The following ATP6V0A2 variants were observed in gnomAD, a reference collection of about 807,000 sequenced individuals.
ATP6V0A2 encodes ATPase H+ transporting V0 subunit a2.
Under a neutral mutation model 104.4 loss-of-function variants are expected in ATP6V0A2, and 58 were observed. The observed-to-expected ratio is 0.56, with a 90% CI of 0.45 to 0.69. The LOEUF (loss-of-function observed/expected upper bound fraction) is 0.69. Ranked by LOEUF, ATP6V0A2 falls within the 30% of genes least tolerant of loss-of-function variation. The probability of loss-of-function intolerance (pLI) is 0.00; values close to 1 mark genes in which losing one functional copy is unlikely to be tolerated. For missense variants in ATP6V0A2, 938 were observed against 1,062.9 expected (o/e 0.88, Z 1.63); for synonymous variants, 376 against 397.9 (o/e 0.95, Z 0.65).
intron 15 of ATP6V0A2, chr12:123,750,825 TG>T (rs1956707195): frequency 7.0e-6 from 3 of 428,048 alleles, no homozygotes; most frequent in African/African-American, 6.1e-5. Flanking sequence ...TTACAGAAAA[TG>T]ATTAGTTGGA....
chr12:123,744,527 G>A lies in ATP6V0A2; in HGVS notation c.1327-70G>A. ...CTGAGAAGTGAGTGGTGAGGGTCGT[G>A]CCCACACCGACAGCTGTCACATGGA... is the stretch of plus-strand genomic sequence containing the variant. On this transcript the variant is annotated intron_variant, in intron 11 of 19. Transcript: ENST00000330342. The surrounding 1 kb of genome is among the most constrained non-coding windows in gnomAD (Gnocchi z 5.4). 6.3e-7 allele frequency: 1 copy of A among 1,591,332 alleles called. No individual in the cohort carries two copies. Among genetic ancestry groups the A allele is most frequent in the East Asian group, 2.2e-5 (1 of 44,800 alleles).
At chr12:123,735,732 A>G (rs916869906) in intron 8 of ATP6V0A2, 108 bp downstream of exon 8, 12 of 976,798 alleles carry the variant, frequency 1.2e-5, no homozygotes, top group Non-Finnish European at 1.9e-5. Context: ...AGACAAATCA[A>G]GATGTTCTAG....
intron 17 of ATP6V0A2, among the ~76,000 whole-genome samples, chr12:123,753,699 C>T (rs565520201): frequency 6.6e-5 from 10 of 152,334 alleles, no homozygotes; most frequent in East Asian, 1.9e-4. Context: ...AGGGAAGTAG[C>T]GGCTCCCCGC....
intron 6 of ATP6V0A2, among the ~76,000 whole-genome samples, chr12:123,729,150 A>G (rs1956476408): frequency 6.6e-6 from 1 of 151,490 alleles, no homozygotes; most frequent in African/African-American, 2.4e-5. Context: ...ATTTATTTTG[A>G]TATTCACATT....
chr12:123,726,874 AT>A, intron 5 of ATP6V0A2, among the ~76,000 whole-genome samples: 1 of 152,198 alleles, frequency 6.6e-6, no homozygotes, highest in South Asian at 2.1e-4. Flanking sequence ...AATCATTTAT[AT>A]TTTTCTCAGC....
intron 2 of ATP6V0A2, among the ~76,000 whole-genome samples, chr12:123,719,825 T>C (rs1462376530): frequency 1.3e-5 from 2 of 151,580 alleles, no homozygotes; most frequent in Non-Finnish European, 2.9e-5. Context: ...CAGGGGGAGG[T>C]TGTGGGAAGC....
chr12:123,748,491 A>G, intron 14 of ATP6V0A2, 84 bp from the exon 15 acceptor site: 1 of 1,004,114 alleles, frequency 1.0e-6, no homozygotes, highest in Non-Finnish European at 1.6e-6. Context: ...TTCGCTTTAT[A>G]GTTTAGTTGC....
chr12:123,712,494 TGA>T lies in ATP6V0A2; in HGVS notation c.-70_-69del. The T allele has an allele frequency of 1.9e-6, 2 of 1,043,954 alleles. No homozygotes were observed. Among genetic ancestry groups the T allele is most frequent in the Non-Finnish European group, 2.7e-6 (2 of 753,836 alleles). 64.7% of individuals were successfully genotyped at this position (1,043,954 alleles called of 1,614,324 possible). A position where few individuals can be genotyped will look rare whatever the true frequency, so the allele number is the denominator to read the frequency against. On this transcript the variant is annotated 5_prime_UTR_variant, in exon 1 of 20. Coordinates refer to ENST00000330342, the MANE Select transcript of ATP6V0A2 (RefSeq NM_012463.4). ...AGCTCGAGGCCCGGGCCGCACCGGC[TGA>T]GTGTGCGGGCCCGCGCGGCTCGGAG...
At chr12:123,715,165 T>A (rs1956328139) in intron 1 of ATP6V0A2, among the ~76,000 whole-genome samples, 1 of 152,250 alleles carries the variant, frequency 6.6e-6, no homozygotes, top group Non-Finnish European at 1.5e-5. Context: ...GAAATTTACC[T>A]CTTTATAAAT....
At chr12:123,722,002 G>A (rs1246767147) in intron 2 of ATP6V0A2, among the ~76,000 whole-genome samples, 5 of 152,268 alleles carry the variant, frequency 3.3e-5, no homozygotes, top group East Asian at 1.9e-4. Context: ...AGATGGCTGC[G>A]ACTCAAAAGT....
chr12:123,727,224 G>A (rs1023931225), intron 5 of ATP6V0A2, among the ~76,000 whole-genome samples: 3 of 151,994 alleles, frequency 2.0e-5, no homozygotes, highest in South Asian at 2.1e-4. Context: ...CTTAAGATAC[G>A]GGGTTCAGTG....
chr12:123,756,777 A>G, intron 18 of ATP6V0A2, 38 bp from the exon 19 acceptor site: 3 of 1,611,700 alleles, frequency 1.9e-6, no homozygotes, highest in Non-Finnish European at 2.5e-6. Context: ...CACTGTACAT[A>G]AGCGAGCATG....
At position 123,752,669 on chromosome 12, in the gene ATP6V0A2, G is replaced by A. The variant is rs189134797; in HGVS notation, c.2175+267G>A. Among the ~76,000 whole-genome samples the A allele has an allele frequency of 3.4e-3, 519 of 152,266 alleles. 1 individual carries two copies. Among genetic ancestry groups the A allele is most frequent in the African/African-American group, 0.012 (480 of 41,542 alleles). On this transcript the variant is annotated intron_variant, in intron 17 of 19. Coordinates refer to ENST00000330342, the MANE Select transcript of ATP6V0A2 (RefSeq NM_012463.4). ...AAGAGTTATGATTGGAGTGACTTAA[G>A]GTGCCATGAACATTGCTTTCAGAAG... is the stretch of plus-strand genomic sequence containing the variant.
At chr12:123,751,341 C>A in intron 16 of ATP6V0A2, 112 bp downstream of exon 16, 1 of 1,502,956 alleles carries the variant, frequency 6.7e-7, no homozygotes, top group East Asian at 2.3e-5. Flanking sequence ...GATTTAAAAG[C>A]CAAAGCTCCC....
rs756154806 is a variant in ATP6V0A2 at position 123,747,615 on chromosome 12, C to T, written c.1614C>T (p.Asn538=). ...PYPLGIDPIW[N]LATNRLTFLN... ...GTTTGGTTTGGTTTTAGATTTGGAA[C>T]TTGGCCACAAATCGCCTCACTTTTC... The change falls in exon 14 of 20, where the codon AAC becomes AAT. Residue 538 remains asparagine, a synonymous_variant. Transcript: ENST00000330342. 1 of 1,609,798 alleles carries T rather than the reference C, an allele frequency of 6.2e-7. No homozygotes were observed. Among genetic ancestry groups the T allele is most frequent in the Non-Finnish European group, 8.5e-7 (1 of 1,176,062 alleles).
intron 19 of ATP6V0A2, among the ~76,000 whole-genome samples, chr12:123,757,340 C>T (rs1956774666): frequency 6.6e-6 from 1 of 151,922 alleles, no homozygotes; most frequent in Admixed American, 6.6e-5. Context: ...TCTTGGGAGA[C>T]TGAGGCAGGA....
Position 123,751,237 on chromosome 12 carries a change from C to T in ATP6V0A2, c.2055+8C>T, listed in dbSNP as rs751265521. On this transcript the variant is annotated splice_region_variant and intron_variant, in intron 16 of 19. Transcript: ENST00000330342. ...TGCTTCGGGGTGAACCGGGTAAGTGCGGGTTTGGATGCATTTACAACTGTG... is the reference window on the plus strand; with the variant it reads ...TGCTTCGGGGTGAACCGGGTAAGTGTGGGTTTGGATGCATTTACAACTGTG... 11 of 1,614,064 alleles carry T rather than the reference C, an allele frequency of 6.8e-6. No homozygotes were observed. Among genetic ancestry groups the T allele is most frequent in the Middle Eastern group, 1.7e-4 (1 of 6,058 alleles).
intron 17 of ATP6V0A2, chr12:123,754,207 T>G: frequency 1.6e-6 from 1 of 606,996 alleles, no homozygotes. Context: ...AAGGTGGGGA[T>G]TTGGGGTGGT....
At chr12:123,722,241 T>C (rs1956406665) in intron 2 of ATP6V0A2, 110 bp from the exon 3 acceptor site, 5 of 817,048 alleles carry the variant, frequency 6.1e-6, no homozygotes, top group Non-Finnish European at 1.0e-5. Context: ...TTTGTGCATT[T>C]AGACATTGAT....
Sources: gnomAD v4.1 joint callset for allele counts (sites outside exome capture counted in the v4.1 genomes callset) on GRCh38, gnomAD v4.1.1 for gene constraint, Gnocchi (gnomAD v3.1) non-coding constraint, MANE v1.5 for transcripts, NCBI Gene and HGNC (gene_info 2026-07-23, HGNC 2026-07-21) for gene names.